RAPGEF5: variants seen among roughly 807,000 people sequenced by gnomAD.
RAPGEF5 encodes the protein Rap guanine nucleotide exchange factor 5.
RAPGEF5 carries 65 observed loss-of-function variants against 125.2 expected under a neutral mutation model. The ratio of observed to expected loss-of-function variants is 0.52; its 90% CI spans 0.43 to 0.64. The LOEUF is 0.64. Among genes scored for constraint, RAPGEF5 ranks in the 30% least tolerant of loss-of-function variants. The probability of loss-of-function intolerance (pLI) is 0.00; values close to 1 mark genes in which losing one functional copy is unlikely to be tolerated. For missense variants in RAPGEF5, 958 were observed against 1,048.1 expected (o/e 0.91, Z 1.19); for synonymous variants, 391 against 385.9 (o/e 1.01, Z -0.16).
At chr7:22,286,116 C>T (rs890191171) in intron 6 of RAPGEF5, among the ~76,000 whole-genome samples, 3 of 152,154 alleles carry the variant, frequency 2.0e-5, no homozygotes, top group South Asian at 2.1e-4. Flanking sequence ...ACATCAGTAG[C>T]GCAATGGATA....
rs1782578090 is a variant in RAPGEF5 at position 22,121,360 on chromosome 7, T to G, written c.*1046A>C. The G allele has an allele frequency of 2.0e-5, 3 of 152,088 alleles. No individual in the cohort carries two copies. Among genetic ancestry groups the G allele is most frequent in the African/African-American group, 7.2e-5 (3 of 41,394 alleles). The allele number at this position is 152,088 out of a possible 1,614,324, so 9.4% of individuals were successfully genotyped here. On this transcript the variant is annotated 3_prime_UTR_variant, in exon 26 of 26. Transcript: ENST00000665637. ...GGGCATTTTTCATTTGCCAAAACAC[T>G]AGTAATTACCACTATCTTATTACCT...
intron 6 of RAPGEF5, among the ~76,000 whole-genome samples, chr7:22,267,519 A>C (rs1782311649): frequency 6.6e-6 from 1 of 152,190 alleles, no homozygotes; most frequent in African/African-American, 2.4e-5. Context: ...ACCATTTTGG[A>C]TAATATGCCA....
chr7:22,343,711 T>C (rs903427794), intron 1 of RAPGEF5, among the ~76,000 whole-genome samples: 4 of 152,140 alleles, frequency 2.6e-5, no homozygotes, highest in African/African-American at 9.7e-5. Context: ...ACACGCCCAT[T>C]GCTGGAACCT....
chr7:22,161,639 T>C (rs933718158), intron 13 of RAPGEF5, among the ~76,000 whole-genome samples: 3 of 151,936 alleles, frequency 2.0e-5, no homozygotes, highest in African/African-American at 4.8e-5. Context: ...AGCAGTTGCT[T>C]TGCAAACAAC....
chr7:22,165,881 T>C (rs1419757), intron 12 of RAPGEF5, among the ~76,000 whole-genome samples: 26,475 of 151,572 alleles, frequency 0.17, 2,443 homozygotes, highest in East Asian at 0.33. Context: ...AGTAGCACGG[T>C]CTCGGCTCAC....
chr7:22,288,689 A>G (rs1782858207), intron 6 of RAPGEF5, among the ~76,000 whole-genome samples: 1 of 151,848 alleles, frequency 6.6e-6, no homozygotes, highest in Admixed American at 6.6e-5. Context: ...CGCCCAGCTA[A>G]TTTTTTGTAT....
At chr7:22,292,323 A>G (rs1161966969) in intron 5 of RAPGEF5, among the ~76,000 whole-genome samples, 1 of 152,176 alleles carries the variant, frequency 6.6e-6, no homozygotes, top group African/African-American at 2.4e-5. Flanking sequence ...ATGTTATTAA[A>G]CCCTTTTCCA....
chr7:22,293,542 C>T (rs1371251702), intron 5 of RAPGEF5, among the ~76,000 whole-genome samples: 1 of 152,092 alleles, frequency 6.6e-6, no homozygotes, highest in Admixed American at 6.5e-5. Context: ...CTTCTTGTAC[C>T]CAGATGCCTA....
At chr7:22,230,807 G>C in intron 8 of RAPGEF5, 39 bp downstream of exon 8, 1 of 1,511,734 alleles carries the variant, frequency 6.6e-7, no homozygotes, top group Admixed American at 2.0e-5. Flanking sequence ...CCTCAACACA[G>C]AAGGGTATGA....
intron 5 of RAPGEF5, among the ~76,000 whole-genome samples, chr7:22,306,443 G>C (rs1783344047): frequency 6.6e-6 from 1 of 152,032 alleles, no homozygotes; most frequent in Non-Finnish European, 1.5e-5. Flanking sequence ...ATAGAGTTGA[G>C]TTCCTTATAT....
chr7:22,316,476 T>C (rs1436109830), intron 2 of RAPGEF5, among the ~76,000 whole-genome samples: 1 of 57,736 alleles, frequency 1.7e-5, no homozygotes, highest in East Asian at 7.3e-4. Context: ...TATATATATA[T>C]ATATATATAT....
chr7:22,217,011 C>A (rs1284715191), intron 9 of RAPGEF5, among the ~76,000 whole-genome samples: 4 of 152,126 alleles, frequency 2.6e-5, no homozygotes, highest in African/African-American at 9.7e-5. Flanking sequence ...TTTGCCTGTG[C>A]AGTAGTGCTA....
intron 11 of RAPGEF5, among the ~76,000 whole-genome samples, chr7:22,183,070 C>G (rs995514649): frequency 6.6e-6 from 1 of 151,860 alleles, no homozygotes; most frequent in African/African-American, 2.4e-5. Flanking sequence ...GTCAGGAGCT[C>G]AAGACCAGTC....
chr7:22,257,952 T>C (rs1476173525), intron 7 of RAPGEF5, among the ~76,000 whole-genome samples: 2 of 152,180 alleles, frequency 1.3e-5, no homozygotes, highest in Non-Finnish European at 2.9e-5. Flanking sequence ...TCTAATGAAA[T>C]ATTATAATAT....
At chr7:22,129,444 T>C (rs774336125) in intron 24 of RAPGEF5, among the ~76,000 whole-genome samples, 4 of 152,164 alleles carry the variant, frequency 2.6e-5, no homozygotes, top group African/African-American at 7.2e-5. Flanking sequence ...CTTAGGGAGA[T>C]GTGTTGGCCA....
At chr7:22,262,909 G>A (rs1562495466) in intron 7 of RAPGEF5, among the ~76,000 whole-genome samples, 1 of 152,170 alleles carries the variant, frequency 6.6e-6, no homozygotes, top group East Asian at 1.9e-4. Context: ...AGGCTGTAGT[G>A]AGCCGGTATC....
chr7:22,144,921 T>C, intron 20 of RAPGEF5, 123 bp downstream of exon 20: 1 of 1,105,964 alleles, frequency 9.0e-7, no homozygotes, highest in Non-Finnish European at 1.2e-6. Flanking sequence ...AGCCATTTAG[T>C]CATTTAACTC....
chr7:22,203,126 G>A (rs1044363197), intron 9 of RAPGEF5, among the ~76,000 whole-genome samples: 5 of 152,148 alleles, frequency 3.3e-5, no homozygotes, highest in East Asian at 1.9e-4. Flanking sequence ...CTATGGTGCT[G>A]TATGTGCTAC....
chr7:22,140,508 A>G (rs1360040162), intron 20 of RAPGEF5, among the ~76,000 whole-genome samples: 1 of 152,188 alleles, frequency 6.6e-6, no homozygotes, highest in East Asian at 1.9e-4. Context: ...ATTTTTTGAC[A>G]GACAAGCCCT....
Sources: gnomAD v4.1 joint callset for allele counts (sites outside exome capture counted in the v4.1 genomes callset) on GRCh38, gnomAD v4.1.1 for gene constraint, MANE v1.5 for transcripts, NCBI Gene and HGNC (gene_info 2026-07-23, HGNC 2026-07-21) for gene names.